The following LARGE1 variants were observed in gnomAD, a reference collection of about 807,000 sequenced individuals.
LARGE1 encodes the protein xylosyl- and glucuronyltransferase LARGE1.
In LARGE1, 43 loss-of-function variants were observed where a neutral mutation model predicts 87.6. The observed-to-expected ratio is 0.49, with a 90% CI of 0.38 to 0.63. The LOEUF (loss-of-function observed/expected upper bound fraction) is 0.63. LARGE1 is among the 30% of genes least tolerant of loss of function. The pLI is 0.00. For missense variants in LARGE1, 802 were observed against 1,000.2 expected (o/e 0.80, Z 2.67); for synonymous variants, 434 against 394.6 (o/e 1.10, Z -1.18).
intron 12 of LARGE1, among the ~76,000 whole-genome samples, chr22:33,293,925 T>G (rs1932910947): frequency 6.6e-6 from 1 of 152,234 alleles, no homozygotes; most frequent in Non-Finnish European, 1.5e-5. Context: ...TCTAACAGAT[T>G]TATCCATTCT....
intron 6 of LARGE1, among the ~76,000 whole-genome samples, chr22:33,560,052 G>T (rs997902779): frequency 6.6e-6 from 1 of 152,146 alleles, no homozygotes; most frequent in Non-Finnish European, 1.5e-5. Context: ...CAAGGGAAAG[G>T]AGGGTGCAGA....
intron 7 of LARGE1, 103 bp from the exon 8 acceptor site, chr22:33,384,407 T>A (rs536612470): frequency 1.2e-6 from 1 of 856,912 alleles, no homozygotes; most frequent in African/African-American, 1.7e-5. Context: ...GGGATGATTG[T>A]CTTATGCAGA....
chr22:33,626,379 C>CCGT, intron 3 of LARGE1, 53 bp from the exon 4 acceptor site: 1 of 1,430,048 alleles, frequency 7.0e-7, no homozygotes. Flanking sequence ...AGGAGGCCTT[C>CCGT]CTGGTGCTTC....
At chr22:33,497,527 CTAAA>C (rs1387299149) in intron 6 of LARGE1, among the ~76,000 whole-genome samples, 3 of 152,164 alleles carry the variant, frequency 2.0e-5, no homozygotes, top group Non-Finnish European at 1.5e-5. Context: ...TGCACAGTGT[CTAAA>C]AAGAGTCTTG....
intron 6 of LARGE1, among the ~76,000 whole-genome samples, chr22:33,449,426 A>C (rs1485191048): frequency 3.3e-5 from 5 of 152,200 alleles, no homozygotes; most frequent in African/African-American, 1.2e-4. Flanking sequence ...GTATTAATAT[A>C]AAGGGGAGGC....
In LARGE1 at chr22:33,509,428, T is replaced by C. The variant is rs1018251045; in HGVS notation, c.787+55420A>G. ...AAGGATGAAATGGTGTCATGTTTAA[T>C]AGAGTCCTCTATGGAAAGAGGGATT... On this transcript the variant is annotated intron_variant, in intron 6 of 14. Coordinates refer to ENST00000397394, the MANE Select transcript of LARGE1 (RefSeq NM_133642.5). 1.8e-4 allele frequency among the ~76,000 whole-genome samples: 27 copies of C among 151,236 alleles called. 2 individuals are homozygous for C. The highest frequency in any genetic ancestry group is 1.5e-3 in the Admixed American group (23 of 15,250).
chr22:33,201,698 G>A (rs1924403137), intron 11 of LARGE1, among the ~76,000 whole-genome samples: 1 of 152,174 alleles, frequency 6.6e-6, no homozygotes, highest in Non-Finnish European at 1.5e-5. Flanking sequence ...GAGAGTGGAG[G>A]GGGCTGAGGG....
chr22:33,267,749 T>C (rs577368103), downstream of LARGE1, among the ~76,000 whole-genome samples: 5 of 151,504 alleles, frequency 3.3e-5, no homozygotes, highest in Non-Finnish European at 7.3e-5. Context: ...GGTGCTGGAA[T>C]CAGTAGGGTG....
intron 2 of LARGE1, among the ~76,000 whole-genome samples, chr22:33,719,043 C>T (rs890930617): frequency 1.3e-5 from 2 of 152,172 alleles, no homozygotes; most frequent in African/African-American, 4.8e-5. Context: ...CCCGCCTCAG[C>T]CTCCCAAAGT....
rs537385072 is a variant in LARGE1, at chr22:33,387,136, A to T, written c.893-2832T>A. Reference sequence around the variant, plus strand: ...AAAAAACAAAAAACAAAAAACAAAAAAAGGGCGGGCAGGTGTGGTGGCTCA... The same window carrying T: ...AAAAAACAAAAAACAAAAAACAAAATAAGGGCGGGCAGGTGTGGTGGCTCA... On this transcript the variant is annotated intron_variant, in intron 7 of 14. Coordinates refer to ENST00000397394, the MANE Select transcript of LARGE1 (RefSeq NM_133642.5). Among the ~76,000 whole-genome samples, 123 of 142,078 alleles carry T rather than the reference A, an allele frequency of 8.7e-4. 4 individuals carry two copies. Among genetic ancestry groups the T allele is most frequent in the African/African-American group, 2.9e-3 (109 of 38,192 alleles). 93.2% of individuals were successfully genotyped at this position (142,078 alleles called of 152,430 possible). A position where few individuals can be genotyped will look rare whatever the true frequency, so the allele number is the denominator to read the frequency against.
At chr22:33,589,978 TTGA>T (rs2078788591) in intron 5 of LARGE1, among the ~76,000 whole-genome samples, 1 of 152,224 alleles carries the variant, frequency 6.6e-6, no homozygotes, top group South Asian at 2.1e-4. Flanking sequence ...TGTAATTTTT[TTGA>T]TGAACACTTC....
chr22:33,849,592 C>CTTTTTTTTTTTTTTTTT (rs71187287), intron 1 of LARGE1, among the ~76,000 whole-genome samples: 13 of 88,592 alleles, frequency 1.5e-4, no homozygotes, highest in Non-Finnish European at 2.3e-4. Flanking sequence ...CTTTTCTTCT[C>CTTTTTTTTTTTTTTTTT]TTTTTTTTTT....
chr22:33,878,584 T>C (rs1288015655), intron 1 of LARGE1, among the ~76,000 whole-genome samples: 3 of 152,236 alleles, frequency 2.0e-5, no homozygotes, highest in East Asian at 3.8e-4. Flanking sequence ...TTCATGGATG[T>C]AGAAACTAAA....
At chr22:33,782,758 G>T (rs1018649438) in intron 1 of LARGE1, among the ~76,000 whole-genome samples, 23 of 151,766 alleles carry the variant, frequency 1.5e-4, no homozygotes, top group African/African-American at 4.4e-4. Flanking sequence ...CCAGCTACTC[G>T]GGAGGCTGAG....
chr22:33,462,357 T>C lies in LARGE1; in HGVS notation c.788-30092A>G, dbSNP rs1438547409. 2.6e-5 allele frequency among the ~76,000 whole-genome samples: 4 copies of C among 152,064 alleles called. No individual in the cohort carries two copies. The East Asian group carries it at 7.7e-4, about 29-fold the overall frequency. On this transcript the variant is annotated intron_variant, in intron 6 of 14. Transcript: ENST00000397394. ...AATAAAAAACAGATGCTACTAGTAC[T>C]AGGCACTTACATGAAGGGAAATTTT...
intron 9 of LARGE1, among the ~76,000 whole-genome samples, chr22:33,379,971 G>C (rs2065107535): frequency 6.6e-6 from 1 of 152,112 alleles, no homozygotes; most frequent in Non-Finnish European, 1.5e-5. Context: ...ATAATACCAG[G>C]CTCACCTTTA....
rs1321367943 is a variant in LARGE1, at chr22:33,920,329, G to T, written c.-417C>A. On this transcript the variant is annotated 5_prime_UTR_variant, in exon 1 of 15. Coordinates refer to ENST00000397394, the MANE Select transcript of LARGE1 (RefSeq NM_133642.5). ...CTCGGGTTGGGTCCAGGGAGCGACC[G>T]CCGGGGCCGACTCCACCTCCCGCGC... 1 of 152,108 alleles carries T rather than the reference G, an allele frequency of 6.6e-6. No individual in the cohort carries two copies. Among genetic ancestry groups the T allele is most frequent in the Admixed American group, 6.5e-5 (1 of 15,274 alleles). 9.4% of individuals were successfully genotyped at this position (152,108 alleles called of 1,614,324 possible). A position where few individuals can be genotyped will look rare whatever the true frequency, so the allele number is the denominator to read the frequency against.
intron 1 of LARGE1, among the ~76,000 whole-genome samples, chr22:33,782,988 A>G (rs1050726521): frequency 4.6e-5 from 7 of 151,848 alleles, no homozygotes; most frequent in Non-Finnish European, 8.8e-5. Context: ...CAGGCCATAC[A>G]CTACAGTGCT....
At chr22:33,098,330 T>C in the LARGE1 span, among the ~76,000 whole-genome samples, 2 of 151,766 alleles carry the variant, frequency 1.3e-5, no homozygotes, top group Admixed American at 1.3e-4. Flanking sequence ...ACTTAAAAAA[T>C]AAAAATAGGC....
Sources: allele counts gnomAD v4.1 joint callset (sites outside exome capture counted in the v4.1 genomes callset), GRCh38; gene constraint gnomAD v4.1.1; transcripts MANE v1.5; gene names NCBI Gene and HGNC (gene_info 2026-07-23, HGNC 2026-07-21).